The following MAML3 variants were observed in gnomAD, a reference collection of about 807,000 sequenced individuals.
MAML3 encodes mastermind-like protein 3.
A neutral mutation model predicts 101.9 loss-of-function variants in MAML3; 27 were observed. The ratio of observed to expected loss-of-function variants is 0.27; its 90% CI spans 0.20 to 0.37. The LOEUF (loss-of-function observed/expected upper bound fraction) is 0.37. Ranked by LOEUF, MAML3 falls within the 10% of genes least tolerant of loss-of-function variation. The pLI, the probability that MAML3 is intolerant of heterozygous loss-of-function variation, is 1.00. For missense variants in MAML3, 1,316 were observed against 1,444.9 expected (o/e 0.91, Z 1.45); for synonymous variants, 501 against 555.9 (o/e 0.90, Z 1.39).
chr4:139,983,978 G>A (rs1420335935), intron 1 of MAML3, among the ~76,000 whole-genome samples: 1 of 152,206 alleles, frequency 6.6e-6, no homozygotes, highest in East Asian at 1.9e-4. Context: ...TGGAGGATAA[G>A]ATGGGAGAGA....
chr4:139,859,768 T>C (rs1731733678), intron 2 of MAML3, among the ~76,000 whole-genome samples: 1 of 152,240 alleles, frequency 6.6e-6, no homozygotes, highest in Non-Finnish European at 1.5e-5. Flanking sequence ...ACCTTGCTTG[T>C]AATTAGCTGA....
At chr4:140,002,783 T>C (rs964302465) in intron 1 of MAML3, among the ~76,000 whole-genome samples, 1 of 152,224 alleles carries the variant, frequency 6.6e-6, no homozygotes, top group Non-Finnish European at 1.5e-5. Context: ...ATTTGTTTAC[T>C]AGGTATACCC....
chr4:140,107,115 C>T (rs1032742063), intron 1 of MAML3, among the ~76,000 whole-genome samples: 2 of 152,144 alleles, frequency 1.3e-5, no homozygotes, highest in Admixed American at 6.5e-5. Flanking sequence ...AGGTGATCTG[C>T]CCACCTCAGC....
chr4:139,851,148 T>C lies in MAML3; in HGVS notation c.2079+38209A>G, dbSNP rs965710563. On this transcript the variant is annotated intron_variant, in intron 2 of 4. Transcript: ENST00000509479. ...GAAGGTACCAATGGTTTTATAATCT[T>C]ACAGCCTTCTTTCTGGGGCTCTTAG... is the stretch of plus-strand genomic sequence containing the variant. Among the ~76,000 whole-genome samples, 5 of 152,220 alleles carry C rather than the reference T, an allele frequency of 3.3e-5. No homozygotes were observed. In the Middle Eastern group the frequency reaches 9.5e-3, roughly 289 times the overall value.
In MAML3 at chr4:140,153,445, A is replaced by G. The variant is rs1246142160; in HGVS notation, c.-118T>C. 4 of 999,912 alleles carry G rather than the reference A, an allele frequency of 4.0e-6. No homozygotes were observed. Among genetic ancestry groups the G allele is most frequent in the Non-Finnish European group, 5.2e-6 (4 of 774,722 alleles). The allele number at this position is 999,912 out of a possible 1,614,324, so 61.9% of individuals were successfully genotyped here. The stretch of plus-strand genomic sequence containing the variant: ...TGGAACGCGGGGGAGACGCAAGCAC[A>G]TGGATGGAAACGGCGATCCCGACGG... On this transcript the variant is annotated 5_prime_UTR_variant, in exon 1 of 5. The change abolishes an upstream ATG in the 5' untranslated region. Transcript: ENST00000509479.
intron 2 of MAML3, among the ~76,000 whole-genome samples, chr4:139,743,733 G>A (rs1278591171): frequency 6.6e-6 from 1 of 152,084 alleles, no homozygotes; most frequent in East Asian, 1.9e-4. Context: ...TTGTACTGAA[G>A]GTTACTTTCT....
At chr4:139,916,522 G>A (rs1017397094) in intron 1 of MAML3, among the ~76,000 whole-genome samples, 4 of 152,132 alleles carry the variant, frequency 2.6e-5, no homozygotes, top group Admixed American at 2.0e-4. Context: ...CTACTGAAGC[G>A]CCGATATAAG....
chr4:139,996,758 T>C (rs1050580492), intron 1 of MAML3, among the ~76,000 whole-genome samples: 5 of 151,828 alleles, frequency 3.3e-5, no homozygotes, highest in Non-Finnish European at 7.4e-5. Flanking sequence ...GGTTAGACCA[T>C]TCACATTAAA....
At chr4:139,952,132 T>C (rs1176955513) in intron 1 of MAML3, among the ~76,000 whole-genome samples, 1 of 152,052 alleles carries the variant, frequency 6.6e-6, no homozygotes, top group Non-Finnish European at 1.5e-5. Flanking sequence ...GCCATTGCAC[T>C]CCAGCCTAAG....
intron 2 of MAML3, among the ~76,000 whole-genome samples, chr4:139,821,814 A>T (rs1476662599): frequency 7.2e-5 from 11 of 152,212 alleles, no homozygotes. Context: ...TATTCAAAAG[A>T]TGTGTGAGGG....
chr4:139,799,303 G>A (rs753128814), intron 2 of MAML3, among the ~76,000 whole-genome samples: 5 of 152,158 alleles, frequency 3.3e-5, no homozygotes, highest in African/African-American at 7.2e-5. Context: ...GGGATCAACC[G>A]TCCTTGGAGT....
At chr4:139,763,841 C>T (rs893610540) in intron 2 of MAML3, among the ~76,000 whole-genome samples, 1 of 152,166 alleles carries the variant, frequency 6.6e-6, no homozygotes, top group Non-Finnish European at 1.5e-5. Flanking sequence ...ATGAGAGAGG[C>T]CGCTGAATTA....
chr4:140,150,654 A>G (rs1388943369), intron 1 of MAML3, among the ~76,000 whole-genome samples: 1 of 152,176 alleles, frequency 6.6e-6, no homozygotes, highest in African/African-American at 2.4e-5. Context: ...CAAATACACG[A>G]AAAGAGGACG....
At position 139,828,975 on chromosome 4, in the gene MAML3, G is replaced by GAGGAAGGA. The variant is rs548032946; in HGVS notation, c.2079+60374_2079+60381dup. 2.2e-3 allele frequency among the ~76,000 whole-genome samples: 298 copies of GAGGAAGGA among 135,176 alleles called. 2 individuals carry two copies. Among genetic ancestry groups the GAGGAAGGA allele is most frequent in the East Asian group, 6.9e-3 (32 of 4,624 alleles). The allele number at this position is 135,176 out of a possible 152,430, so 88.7% of individuals were successfully genotyped here. A position where few individuals can be genotyped will look rare whatever the true frequency, so the allele number is the denominator to read the frequency against. ...GTGACAGAGTAAGACCCTGTTGAAA[G>GAGGAAGGA]AGGAAGGAAGGAAGGAAGGAAGGAA... On this transcript the variant is annotated intron_variant, in intron 2 of 4. Coordinates refer to ENST00000509479, the MANE Select transcript of MAML3 (RefSeq NM_018717.5).
At chr4:140,125,225 G>T (rs1319389513) in intron 1 of MAML3, among the ~76,000 whole-genome samples, 2 of 151,888 alleles carry the variant, frequency 1.3e-5, no homozygotes, top group African/African-American at 4.8e-5. Flanking sequence ...TAAAATAAAA[G>T]CTACTCAAAT....
intron 2 of MAML3, among the ~76,000 whole-genome samples, chr4:139,751,944 T>C (rs1729518033): frequency 6.6e-6 from 1 of 152,202 alleles, no homozygotes; most frequent in Non-Finnish European, 1.5e-5. Context: ...GGAGCCTCCA[T>C]ATAAAAGGAA....
At chr4:139,931,641 A>T (rs1043779916) in intron 1 of MAML3, among the ~76,000 whole-genome samples, 5 of 152,106 alleles carry the variant, frequency 3.3e-5, no homozygotes, top group Non-Finnish European at 5.9e-5. Context: ...CTTCTGCCCC[A>T]GGCTCAACAA....
At chr4:140,061,856 A>T (rs1217603860) in intron 1 of MAML3, among the ~76,000 whole-genome samples, 1 of 152,180 alleles carries the variant, frequency 6.6e-6, no homozygotes, top group Non-Finnish European at 1.5e-5. Context: ...CAGTGTTTTG[A>T]CATTGTTACT....
At position 139,941,031 on chromosome 4, in the gene MAML3, A is replaced by G. The variant is rs145060384; in HGVS notation, c.469-50064T>C. The stretch of plus-strand genomic sequence containing the variant: ...ATTTGTGTTCGTTCAATTTACAATC[A>G]TAAATTAAAATGTTCAAATGTTCTT... On this transcript the variant is annotated intron_variant, in intron 1 of 4. Transcript: ENST00000509479. Among the ~76,000 whole-genome samples the G allele has an allele frequency of 6.1e-3, 926 of 152,342 alleles. 12 individuals are homozygous for G. Among genetic ancestry groups the G allele is most frequent in the African/African-American group, 0.022 (906 of 41,582 alleles).
Sources: gnomAD v4.1 joint callset for allele counts (sites outside exome capture counted in the v4.1 genomes callset) on GRCh38, gnomAD v4.1.1 for gene constraint, MANE v1.5 for transcripts, NCBI Gene and HGNC (gene_info 2026-07-23, HGNC 2026-07-21) for gene names.